SYTL3: variants seen among roughly 807,000 people sequenced by gnomAD.
SYTL3 encodes synaptotagmin-like protein 3.
SYTL3 carries 88 observed loss-of-function variants against 82.1 expected under a neutral mutation model. That is an observed-to-expected ratio of 1.07 (90% CI 0.90 to 1.28). The LOEUF (loss-of-function observed/expected upper bound fraction) is 1.28. Among genes scored for constraint, SYTL3 ranks in the 50% most tolerant of loss-of-function variants. The pLI is 0.00. For synonymous variants in SYTL3, 311 were observed against 289.4 expected, an observed-to-expected ratio of 1.07 and a Z score of -0.76; for missense variants, 831 against 757.6, an observed-to-expected ratio of 1.10 and a Z score of -1.14.
intron 8 of SYTL3, among the ~76,000 whole-genome samples, chr6:158,709,648 G>C (rs994228703): frequency 3.9e-5 from 6 of 152,100 alleles, no homozygotes; most frequent in Non-Finnish European, 1.5e-5. Context: ...AAAGGGGGCA[G>C]GTATATATGG....
At chr6:158,729,566 CTTTT>C (rs34172320) in intron 11 of SYTL3, among the ~76,000 whole-genome samples, 4 of 132,900 alleles carry the variant, frequency 3.0e-5, no homozygotes, top group Non-Finnish European at 3.2e-5. Context: ...CTTTCTTTTT[CTTTT>C]TTTTTTTTTT....
chr6:158,738,118 T>C (rs1010015104), intron 11 of SYTL3, among the ~76,000 whole-genome samples: 1 of 152,188 alleles, frequency 6.6e-6, no homozygotes, highest in Non-Finnish European at 1.5e-5. Context: ...GCAAAGTGCA[T>C]GGCAGGGCAG....
At chr6:158,714,101 C>A (rs1355587090) in intron 9 of SYTL3, among the ~76,000 whole-genome samples, 1 of 152,194 alleles carries the variant, frequency 6.6e-6, no homozygotes, top group African/African-American at 2.4e-5. Flanking sequence ...ACCTGTAATC[C>A]AAGCACTTTG....
chr6:158,696,909 AC>A lies in SYTL3; in HGVS notation c.395-10319del, dbSNP rs1364411341. Among the ~76,000 whole-genome samples, 5 of 152,020 alleles carry A rather than the reference AC, an allele frequency of 3.3e-5. No individual in the cohort carries two copies. In the East Asian group the frequency reaches 9.6e-4, roughly 29 times the overall value. On this transcript the variant is annotated intron_variant, in intron 6 of 17. Transcript: ENST00000611299. ...AATGATTTTTGAGAAGGGTGCTAAG[AC>A]CATTCAGTAGGGAAAGGATAGTTTT... is the stretch of plus-strand genomic sequence containing the variant.
At chr6:158,664,792 A>G (rs1330760354) in intron 4 of SYTL3, among the ~76,000 whole-genome samples, 1 of 152,182 alleles carries the variant, frequency 6.6e-6, no homozygotes, top group African/African-American at 2.4e-5. Flanking sequence ...TTCTACAAGT[A>G]GGTATCACAG....
chr6:158,700,093 T>G (rs1781009671), intron 6 of SYTL3, among the ~76,000 whole-genome samples: 1 of 151,856 alleles, frequency 6.6e-6, no homozygotes. Flanking sequence ...CCTTCTCTAC[T>G]AAGAAATACA....
intron 10 of SYTL3, among the ~76,000 whole-genome samples, chr6:158,724,295 A>T (rs1299174307): frequency 6.6e-6 from 1 of 152,252 alleles, no homozygotes; most frequent in Non-Finnish European, 1.5e-5. Flanking sequence ...GTAGGAATTA[A>T]GTTGGCATTC....
chr6:158,730,286 C>T (rs576139360), intron 11 of SYTL3, among the ~76,000 whole-genome samples: 6 of 152,296 alleles, frequency 3.9e-5, no homozygotes, highest in African/African-American at 7.2e-5. Context: ...GGACAAGCTG[C>T]GTAAAGGATA....
intron 11 of SYTL3, among the ~76,000 whole-genome samples, chr6:158,737,449 G>T (rs1320534039): frequency 6.6e-6 from 1 of 152,216 alleles, no homozygotes; most frequent in Non-Finnish European, 1.5e-5. Context: ...AAATAAAAGG[G>T]CATGAAACTT....
chr6:158,656,764 T>C (rs1288696264), intron 2 of SYTL3, among the ~76,000 whole-genome samples: 1 of 151,958 alleles, frequency 6.6e-6, no homozygotes, highest in African/African-American at 2.4e-5. Context: ...CTTACTCTAT[T>C]GTTGTAGAAG....
chr6:158,736,559 C>T (rs933989050), intron 11 of SYTL3, among the ~76,000 whole-genome samples: 1 of 151,966 alleles, frequency 6.6e-6, no homozygotes, highest in African/African-American at 2.4e-5. Context: ...GAGGCCAAGG[C>T]GGGCGGATCA....
At chr6:158,714,559 A>G (rs982093050) in intron 9 of SYTL3, among the ~76,000 whole-genome samples, 27 of 152,144 alleles carry the variant, frequency 1.8e-4, no homozygotes, top group African/African-American at 6.5e-4. Flanking sequence ...TCCACTTGCA[A>G]TCTTGTGTCT....
intron 6 of SYTL3, among the ~76,000 whole-genome samples, chr6:158,692,257 C>CAAAAAAAAAAAAAAAAAAAA (rs571381475): frequency 3.1e-5 from 1 of 32,186 alleles, no homozygotes; most frequent in African/African-American, 8.9e-5. Flanking sequence ...GACTCCGTCT[C>CAAAAAAAAAAAAAAAAAAAA]AAAAAAAAAA....
intron 11 of SYTL3, among the ~76,000 whole-genome samples, chr6:158,729,445 C>G (rs554874663): frequency 6.6e-6 from 1 of 152,298 alleles, no homozygotes; most frequent in East Asian, 1.9e-4. Flanking sequence ...TATTCAGTTC[C>G]CAGAGGCCCC....
intron 2 of SYTL3, among the ~76,000 whole-genome samples, chr6:158,658,024 G>A (rs560465818): frequency 6.6e-6 from 1 of 152,074 alleles, no homozygotes; most frequent in South Asian, 2.1e-4. Context: ...TCCCAAGTAG[G>A]TGGGACTACA....
Position 158,757,318 on chromosome 6 carries a change from G to A in SYTL3, c.1245G>A (p.Leu415=), listed in dbSNP as rs149139591. ...RVFLGEVIIP[L]ATWDFEDSTT... Reference sequence around the variant, plus strand: ...TTCTTGGAGAAGTGATCATTCCTCTGGCCACGTGGGACTTTGAAGACAGCA... The same window carrying A: ...TTCTTGGAGAAGTGATCATTCCTCTAGCCACGTGGGACTTTGAAGACAGCA... Residue 415 remains leucine (L), a synonymous_variant, in exon 14 of 18, where the codon CTG becomes CTA. Coordinates refer to ENST00000611299, the MANE Select transcript of SYTL3 (RefSeq NM_001242394.2). The A allele has an allele frequency of 5.5e-5, 89 of 1,614,020 alleles. No homozygotes were observed. The East Asian group carries it at 1.8e-3, about 34-fold the overall frequency.
At chr6:158,743,243 T>G in intron 11 of SYTL3, among the ~76,000 whole-genome samples, 1 of 152,218 alleles carries the variant, frequency 6.6e-6, no homozygotes, top group East Asian at 1.9e-4. Flanking sequence ...CAGGGACTTA[T>G]GCCTTGAAGT....
rs1056518467 is a variant in SYTL3 at position 158,684,011 on chromosome 6, C to T, written c.394+1022C>T. 2.0e-5 allele frequency among the ~76,000 whole-genome samples: 3 copies of T among 152,288 alleles called. 1 individual carries two copies. Among genetic ancestry groups the T allele is most frequent in the South Asian group, 4.1e-4 (2 of 4,826 alleles). ...GCAGCCCAGGAAACACTTCCAAGGG[C>T]TCTGGAGAACAAAGGAGAGAAGGGT... On this transcript the variant is annotated intron_variant, in intron 6 of 17. Coordinates refer to ENST00000611299, the MANE Select transcript of SYTL3 (RefSeq NM_001242394.2).
intron 14 of SYTL3, among the ~76,000 whole-genome samples, chr6:158,759,429 G>A (rs1391249664): frequency 2.0e-5 from 3 of 152,242 alleles, no homozygotes; most frequent in Admixed American, 2.0e-4. Flanking sequence ...GCCTCTGAGG[G>A]TAACTGAGAG....
Sources: allele counts gnomAD v4.1 joint callset (sites outside exome capture counted in the v4.1 genomes callset), GRCh38; gene constraint gnomAD v4.1.1; transcripts MANE v1.5; gene names NCBI Gene and HGNC (gene_info 2026-07-23, HGNC 2026-07-21).